The following MAGI2 variants were observed in gnomAD, a reference collection of about 807,000 sequenced individuals.
MAGI2 encodes membrane associated guanylate kinase, WW and PDZ domain containing 2, also known as membrane-associated guanylate kinase, WW and PDZ domain-containing protein 2.
In MAGI2, 35 loss-of-function variants were observed where a neutral mutation model predicts 133.3. That is an observed-to-expected ratio of 0.26 (90% CI 0.20 to 0.35). MAGI2 has a LOEUF of 0.35. Ranked by LOEUF, MAGI2 falls within the 10% of genes least tolerant of loss-of-function variation. The pLI, the probability that MAGI2 is intolerant of heterozygous loss-of-function variation, is 1.00. For synonymous variants in MAGI2, 729 were observed against 710.6 expected (o/e 1.03, Z -0.41); for missense variants, 1,636 against 1,863.4 (o/e 0.88, Z 2.25).
At chr7:78,475,324 T>C (rs1791633014) in intron 6 of MAGI2, among the ~76,000 whole-genome samples, 1 of 151,932 alleles carries the variant, frequency 6.6e-6, no homozygotes, top group African/African-American at 2.4e-5. Context: ...ATGCTGAATA[T>C]GGAAAGCAAG....
chr7:78,227,704 G>A (rs985873047), intron 10 of MAGI2, among the ~76,000 whole-genome samples: 1 of 152,124 alleles, frequency 6.6e-6, no homozygotes, highest in African/African-American at 2.4e-5. Context: ...ACAGGCATGA[G>A]TGAAATAGAA....
At chr7:79,322,892 C>G (rs1839304342) in intron 1 of MAGI2, among the ~76,000 whole-genome samples, 1 of 151,912 alleles carries the variant, frequency 6.6e-6, no homozygotes, top group Non-Finnish European at 1.5e-5. Context: ...TGATTTTTGC[C>G]CAGGTTGGAG....
chr7:79,316,275 A>G (rs1390667260), intron 1 of MAGI2, among the ~76,000 whole-genome samples: 4 of 151,746 alleles, frequency 2.6e-5, no homozygotes. Flanking sequence ...CCACCCCCCC[A>G]CTCCAAGTTA....
intron 1 of MAGI2, among the ~76,000 whole-genome samples, chr7:79,051,495 G>A (rs1338800919): frequency 6.6e-6 from 1 of 152,138 alleles, no homozygotes; most frequent in Non-Finnish European, 1.5e-5. Context: ...GAAAAACAAT[G>A]TATCTGCCAT....
chr7:78,557,335 A>G (rs1464660406), intron 3 of MAGI2, among the ~76,000 whole-genome samples: 1 of 152,154 alleles, frequency 6.6e-6, no homozygotes, highest in Non-Finnish European at 1.5e-5. Context: ...CAAAGGAGCC[A>G]GTTAGCATTG....
chr7:78,208,824 T>C (rs1164179492), intron 10 of MAGI2, among the ~76,000 whole-genome samples: 1 of 152,104 alleles, frequency 6.6e-6, no homozygotes, highest in Non-Finnish European at 1.5e-5. Flanking sequence ...ACAAGCATCA[T>C]AAATTCAATA....
At chr7:79,044,740 A>G (rs1351692157) in intron 1 of MAGI2, among the ~76,000 whole-genome samples, 2 of 152,236 alleles carry the variant, frequency 1.3e-5, no homozygotes, top group Non-Finnish European at 2.9e-5. Context: ...ATACAAAATC[A>G]ATGTACAAAA....
intron 2 of MAGI2, among the ~76,000 whole-genome samples, chr7:78,763,358 C>T (rs564835366): frequency 2.6e-5 from 4 of 152,148 alleles, no homozygotes; most frequent in Non-Finnish European, 4.4e-5. Flanking sequence ...CCGCACAGAA[C>T]AGATTTTCAT....
At chr7:79,048,256 A>G (rs77021460) in intron 1 of MAGI2, among the ~76,000 whole-genome samples, 4,174 of 152,306 alleles carry the variant, frequency 0.027, 194 homozygotes, top group African/African-American at 0.096. Context: ...TGCATAAAAT[A>G]GGTAAAACCT....
At chr7:79,341,463 A>C (rs1840899416) in intron 1 of MAGI2, among the ~76,000 whole-genome samples, 1 of 152,170 alleles carries the variant, frequency 6.6e-6, no homozygotes, top group Admixed American at 6.6e-5. Context: ...TTGTTGGACA[A>C]GATGATAGAA....
chr7:79,332,225 T>C (rs1254940395), intron 1 of MAGI2, among the ~76,000 whole-genome samples: 1 of 152,230 alleles, frequency 6.6e-6, no homozygotes. Context: ...GAAAAGCTTG[T>C]CACTTAAGGA....
At chr7:78,709,960 C>T (rs1819019001) in intron 2 of MAGI2, among the ~76,000 whole-genome samples, 1 of 152,106 alleles carries the variant, frequency 6.6e-6, no homozygotes, top group Non-Finnish European at 1.5e-5. Flanking sequence ...TTTCATGACT[C>T]TTCTTTTAGA....
At chr7:78,069,024 G>C (rs975722958) in intron 21 of MAGI2, among the ~76,000 whole-genome samples, 2 of 152,198 alleles carry the variant, frequency 1.3e-5, no homozygotes, top group African/African-American at 4.8e-5. Flanking sequence ...GTGAACTACA[G>C]GGCCAGACTC....
chr7:78,871,204 G>A (rs933297569), intron 2 of MAGI2, among the ~76,000 whole-genome samples: 23 of 152,064 alleles, frequency 1.5e-4, no homozygotes, highest in Admixed American at 7.9e-4. Flanking sequence ...CCAGCTACTC[G>A]GGAGGTTGAG....
At chr7:78,765,643 G>A (rs867454219) in intron 2 of MAGI2, among the ~76,000 whole-genome samples, 8 of 151,962 alleles carry the variant, frequency 5.3e-5, no homozygotes, top group African/African-American at 1.7e-4. Context: ...CATAACGCCC[G>A]GCCCTAGTGC....
chr7:78,713,502 A>G (rs1273446444), intron 2 of MAGI2, among the ~76,000 whole-genome samples: 1 of 152,198 alleles, frequency 6.6e-6, no homozygotes, highest in Admixed American at 6.5e-5. Flanking sequence ...GGGATGAGAT[A>G]TATCAAGGAA....
chr7:78,912,983 G>A (rs199779960), intron 2 of MAGI2, among the ~76,000 whole-genome samples: 1 of 151,770 alleles, frequency 6.6e-6, no homozygotes, highest in African/African-American at 2.4e-5. Context: ...ATACAGTTTG[G>A]GGGTGGAGAT....
At chr7:78,652,794 T>C (rs911391298) in intron 2 of MAGI2, among the ~76,000 whole-genome samples, 2 of 152,034 alleles carry the variant, frequency 1.3e-5, no homozygotes, top group African/African-American at 4.8e-5. Flanking sequence ...GGGTTCTAAT[T>C]AAACTAAAGA....
At chr7:78,958,081 C>T (rs542797035) in intron 2 of MAGI2, among the ~76,000 whole-genome samples, 1 of 152,278 alleles carries the variant, frequency 6.6e-6, no homozygotes, top group South Asian at 2.1e-4. Context: ...GGAATAGGAG[C>T]CACTGCTGTT....
Sources: gnomAD v4.1 joint callset for allele counts (sites outside exome capture counted in the v4.1 genomes callset) on GRCh38, gnomAD v4.1.1 for gene constraint, MANE v1.5 for transcripts, NCBI Gene and HGNC (gene_info 2026-07-23, HGNC 2026-07-21) for gene names.